DORIP1: variants seen among roughly 807,000 people sequenced by gnomAD.
The protein encoded by DORIP1 is dopamine receptor interacting protein 1, also known as dopamine receptor-interacting protein 1.
the DORIP1 span, chr14:44,904,692 T>A: frequency 1.3e-6 from 1 of 751,464 alleles, no homozygotes; most frequent in African/African-American, 1.8e-5. Flanking sequence ...AGAGAGTCAG[T>A]TACTAGCAGT....
At chr14:44,902,851 T>G in the DORIP1 span, among the ~76,000 whole-genome samples, 1 of 152,214 alleles carries the variant, frequency 6.6e-6, no homozygotes, top group Non-Finnish European at 1.5e-5. Context: ...GAATGATTAT[T>G]ACTTACATTT....
the DORIP1 span, among the ~76,000 whole-genome samples, chr14:44,902,809 T>G: frequency 2.0e-5 from 3 of 152,018 alleles, no homozygotes; most frequent in South Asian, 4.2e-4. Flanking sequence ...AGAAAAAAAG[T>G]TTTTTTTAAC....
the DORIP1 span, chr14:44,905,333 A>C: frequency 2.2e-6 from 3 of 1,339,090 alleles, no homozygotes; most frequent in African/African-American, 4.4e-5. Flanking sequence ...CAAAGTATTA[A>C]ATTTTCTCTC....
the DORIP1 span, chr14:44,904,688 T>C: frequency 1.2e-6 from 1 of 811,910 alleles, no homozygotes; most frequent in Non-Finnish European, 1.8e-6. Context: ...TTACAGAGAG[T>C]CAGTTACTAG....
At chr14:44,905,354 AT>A in the DORIP1 span, 1 of 1,472,140 alleles carries the variant, frequency 6.8e-7, no homozygotes, top group Non-Finnish European at 9.3e-7. Flanking sequence ...ATACTATATT[AT>A]TTAATTTGCA....
At chr14:44,900,594 G>C in the DORIP1 span, 1 of 1,609,754 alleles carries the variant, frequency 6.2e-7, no homozygotes, top group Non-Finnish European at 8.5e-7. Context: ...AAATAAGACT[G>C]AAAAATACCT....
chr14:44,906,705 A>C, the DORIP1 span: 1 of 152,574 alleles, frequency 6.6e-6, no homozygotes, highest in Non-Finnish European at 1.5e-5. Flanking sequence ...TAAATAGTTC[A>C]CTTCAGGTTT....
the DORIP1 span, chr14:44,899,004 G>A: frequency 1.3e-5 from 2 of 152,170 alleles, no homozygotes; most frequent in East Asian, 3.8e-4. Flanking sequence ...ACTGATCTCA[G>A]TCACTCATTT....
At chr14:44,899,301 G>A in the DORIP1 span, 2 of 152,190 alleles carry the variant, frequency 1.3e-5, no homozygotes, top group African/African-American at 2.4e-5. Context: ...AAGGGAGGAT[G>A]CTTTGCTTCA....
At chr14:44,901,060 A>G in the DORIP1 span, 1 of 1,155,036 alleles carries the variant, frequency 8.7e-7, no homozygotes, top group Non-Finnish European at 1.2e-6. Context: ...GGGTCAACAA[A>G]GGACCACATA....
the DORIP1 span, chr14:44,904,846 A>G: frequency 1.1e-3 from 235 of 210,916 alleles, 2 homozygotes; most frequent in East Asian, 0.025. Context: ...AGATGATGGT[A>G]TCAACCTAGT....
chr14:44,899,945 C>T, the DORIP1 span, among the ~76,000 whole-genome samples: 2 of 150,814 alleles, frequency 1.3e-5, no homozygotes, highest in Non-Finnish European at 2.9e-5. Context: ...GATTCTCCTG[C>T]CTCAGCCTCC....
the DORIP1 span, chr14:44,903,076 G>C: frequency 1.7e-6 from 1 of 577,312 alleles, no homozygotes; most frequent in East Asian, 2.8e-5. Context: ...AAGAAATTCT[G>C]AATGTGTCAT....
chr14:44,900,923 G>C, the DORIP1 span: 3 of 1,604,698 alleles, frequency 1.9e-6, no homozygotes, highest in East Asian at 4.5e-5. Context: ...TGCCCAACTC[G>C]AGTGCAGGAG....
chr14:44,900,447 G>A, the DORIP1 span: 2 of 1,527,738 alleles, frequency 1.3e-6, no homozygotes, highest in Non-Finnish European at 1.7e-6. Context: ...TGAAGACACT[G>A]TTTGAAGAGA....
the DORIP1 span, chr14:44,903,963 C>G: frequency 1.0e-6 from 1 of 975,668 alleles, no homozygotes; most frequent in African/African-American, 1.8e-5. Context: ...ATATTCTGAT[C>G]CATATACTTA....
chr14:44,903,491 C>G, the DORIP1 span: 1 of 1,200,152 alleles, frequency 8.3e-7, no homozygotes, highest in East Asian at 3.5e-5. Flanking sequence ...AAGCAAATAC[C>G]TTTTCTTTTT....
At chr14:44,905,404 G>A in the DORIP1 span, 2 of 1,547,628 alleles carry the variant, frequency 1.3e-6, no homozygotes, top group East Asian at 2.3e-5. Context: ...TAACAAAGAG[G>A]AACATCATTA....
chr14:44,906,136 T>C, the DORIP1 span: 1 of 151,400 alleles, frequency 6.6e-6, no homozygotes, highest in Non-Finnish European at 1.5e-5. Flanking sequence ...GCTTAAACTA[T>C]TTCTTTATAA....
Sources: allele counts gnomAD v4.1 joint callset (sites outside exome capture counted in the v4.1 genomes callset), GRCh38; gene constraint gnomAD v4.1.1; transcripts MANE v1.5; gene names NCBI Gene and HGNC (gene_info 2026-07-23, HGNC 2026-07-21).